Variants in SH2D4A observed in about 807,000 individuals in gnomAD.
SH2D4A encodes SH2 domain-containing protein 4A.
In SH2D4A, 70 loss-of-function variants were observed where a neutral mutation model predicts 64.7. The observed-to-expected ratio is 1.08, with a 90% CI of 0.89 to 1.32. The LOEUF is 1.32. Ranked by LOEUF, SH2D4A falls within the 40% of genes most tolerant of loss-of-function variation. The pLI, the probability that SH2D4A is intolerant of heterozygous loss-of-function variation, is 0.00. For missense variants in SH2D4A, 706 were observed against 540.1 expected, an observed-to-expected ratio of 1.31 and a Z score of -3.04; for synonymous variants, 268 against 200.7, an observed-to-expected ratio of 1.34 and a Z score of -2.83.
chr8:19,315,631 G>A (rs180724222), intron 1 of SH2D4A, among the ~76,000 whole-genome samples: 11 of 152,292 alleles, frequency 7.2e-5, no homozygotes, highest in Admixed American at 6.5e-4. Context: ...GCAGGTGTGG[G>A]CTTGTTGCTT....
At position 19,393,209 on chromosome 8, in the gene SH2D4A, G is replaced by T. The variant is rs761770826; in HGVS notation, c.1049-109G>T. 364 of 941,636 alleles carry T rather than the reference G, an allele frequency of 3.9e-4. No homozygotes were observed. Among genetic ancestry groups the T allele is most frequent in the Non-Finnish European group, 4.8e-4 (286 of 601,984 alleles). The allele number at this position is 941,636 out of a possible 1,614,324, so 58.3% of individuals were successfully genotyped here. ...AAACAGACTTAAAATTGCTCTTATT[G>T]TGTCTTATTTAGGCGTCATTGACTC... On this transcript the variant is annotated intron_variant, in intron 8 of 9. Coordinates refer to ENST00000265807, the MANE Select transcript of SH2D4A (RefSeq NM_022071.4).
chr8:19,353,680 T>C (rs1585173101), intron 4 of SH2D4A, among the ~76,000 whole-genome samples: 1 of 145,834 alleles, frequency 6.9e-6, no homozygotes, highest in African/African-American at 2.5e-5. Context: ...AGCTGTTTTT[T>C]TTTTTTTTTT....
Position 19,314,641 on chromosome 8 carries a change from T to C in SH2D4A, c.-205+818T>C, listed in dbSNP as rs114824524. Among the ~76,000 whole-genome samples the C allele has an allele frequency of 2.9e-3, 443 of 152,292 alleles. 4 individuals carry two copies. The highest frequency in any genetic ancestry group is 9.8e-3 in the African/African-American group (407 of 41,566). On this transcript the variant is annotated intron_variant, in intron 1 of 9. Transcript: ENST00000265807. ...GTGGCACCTCCCCCTTTCAAACAGA[T>C]GCTCCTCATCGCTCCAAAGGCTTTC...
intron 4 of SH2D4A, among the ~76,000 whole-genome samples, chr8:19,347,265 A>C (rs1465411224): frequency 6.6e-6 from 1 of 152,264 alleles, no homozygotes; most frequent in African/African-American, 2.4e-5. Flanking sequence ...ACGCACGTTC[A>C]GAGCAGATGC....
chr8:19,374,137 T>A (rs1381892592), intron 8 of SH2D4A, among the ~76,000 whole-genome samples: 1 of 152,216 alleles, frequency 6.6e-6, no homozygotes, highest in African/African-American at 2.4e-5. Context: ...GGAGTTGAAC[T>A]TTGTGGTCTT....
At chr8:19,364,376 G>A (rs2052952067) in intron 7 of SH2D4A, 94 bp downstream of exon 7, 1 of 1,394,278 alleles carries the variant, frequency 7.2e-7, no homozygotes, top group South Asian at 1.3e-5. Flanking sequence ...GCTGCCATGG[G>A]GTGTGGAGGG....
At chr8:19,347,592 G>A (rs757574789) in intron 4 of SH2D4A, among the ~76,000 whole-genome samples, 2 of 152,196 alleles carry the variant, frequency 1.3e-5, no homozygotes, top group Non-Finnish European at 2.9e-5. Flanking sequence ...AGTACTGACT[G>A]TCCTTGCCCC....
intron 8 of SH2D4A, 117 bp from the exon 9 acceptor site, chr8:19,393,201 C>A: frequency 1.2e-6 from 1 of 865,292 alleles, no homozygotes; most frequent in Non-Finnish European, 1.8e-6. Flanking sequence ...CTTAAAATTG[C>A]TCTTATTGTG....
intron 4 of SH2D4A, among the ~76,000 whole-genome samples, chr8:19,335,560 G>T (rs2052433272): frequency 6.6e-6 from 1 of 152,164 alleles, no homozygotes; most frequent in Admixed American, 6.5e-5. Flanking sequence ...CTTTGTCACA[G>T]CTATACACAA....
intron 7 of SH2D4A, among the ~76,000 whole-genome samples, chr8:19,369,628 TTGA>T (rs1377822647): frequency 1.3e-5 from 2 of 152,116 alleles, no homozygotes; most frequent in Admixed American, 1.3e-4. Flanking sequence ...CATACAGTTG[TTGA>T]TAATAGTCTC....
intron 3 of SH2D4A, among the ~76,000 whole-genome samples, chr8:19,334,401 C>T (rs948267996): frequency 5.3e-5 from 8 of 152,110 alleles, no homozygotes; most frequent in African/African-American, 1.9e-4. Context: ...GTTGAGCAGA[C>T]CAGGGTTCAG....
At chr8:19,351,374 C>G (rs370809553) in intron 4 of SH2D4A, among the ~76,000 whole-genome samples, 40 of 152,170 alleles carry the variant, frequency 2.6e-4, no homozygotes, top group African/African-American at 9.6e-4. Flanking sequence ...GAGGCCGAGG[C>G]GGGTGGATCA....
intron 4 of SH2D4A, among the ~76,000 whole-genome samples, chr8:19,352,770 G>T (rs144718510): frequency 2.3e-4 from 35 of 152,280 alleles, no homozygotes; most frequent in Non-Finnish European, 4.4e-4. Context: ...ACTTTGGGAG[G>T]CTGAGGTGGG....
In SH2D4A at chr8:19,319,740, C is replaced by T. The variant is rs374400314; in HGVS notation, c.181+12C>T. ...CAGACCAAAGAAAGGTAAACTTATC[C>T]ACGTTTCTTCTGTGGATGTGTTGGT... On this transcript the variant is annotated intron_variant, in intron 2 of 9. Transcript: ENST00000265807. 260 of 1,553,034 alleles carry T rather than the reference C, an allele frequency of 1.7e-4. No individual in the cohort carries two copies. The highest frequency in any genetic ancestry group is 2.0e-4 in the Non-Finnish European group (233 of 1,153,040).
chr8:19,333,133 A>G lies in SH2D4A; in HGVS notation c.341+19A>G. 6.3e-7 allele frequency: 1 copy of G among 1,599,526 alleles called. No individual in the cohort carries two copies. Among genetic ancestry groups the G allele is most frequent in the Non-Finnish European group, 8.5e-7 (1 of 1,175,794 alleles). On this transcript the variant is annotated intron_variant, in intron 3 of 9. Transcript: ENST00000265807. ...AGCCCAGGTATGAGATCTGCAAACC[A>G]ACCAGAGACTTAAAGACTCTCCAGA...
chr8:19,363,170 G>A (rs1174269740), intron 6 of SH2D4A, among the ~76,000 whole-genome samples: 1 of 152,050 alleles, frequency 6.6e-6, no homozygotes, highest in Non-Finnish European at 1.5e-5. Flanking sequence ...CCGCCTCCTG[G>A]TTTCAAGGGA....
chr8:19,332,709 A>C (rs941915973), intron 2 of SH2D4A, among the ~76,000 whole-genome samples: 3 of 147,648 alleles, frequency 2.0e-5, no homozygotes, highest in African/African-American at 7.7e-5. Flanking sequence ...AAAAAAAAAA[A>C]AAAAGCACGG....
chr8:19,392,734 T>TC (rs2053513365), intron 8 of SH2D4A, among the ~76,000 whole-genome samples: 1 of 145,782 alleles, frequency 6.9e-6, no homozygotes, highest in African/African-American at 2.6e-5. Flanking sequence ...AATATATTCC[T>TC]TTTTTTTTTG....
rs545117412 is a variant in SH2D4A, at chr8:19,350,825, T to C, written c.514-6378T>C. 1.8e-3 allele frequency among the ~76,000 whole-genome samples: 271 copies of C among 152,308 alleles called. 1 individual carries two copies. The highest frequency in any genetic ancestry group is 5.8e-3 in the African/African-American group (242 of 41,566). ...ATGTGCCATAAAATCTCACATCATA[T>C]TGGAGTCTGCTGTACTTTCAAGTCG... On this transcript the variant is annotated intron_variant, in intron 4 of 9. Coordinates refer to ENST00000265807, the MANE Select transcript of SH2D4A (RefSeq NM_022071.4).
Sources: allele counts gnomAD v4.1 joint callset (sites outside exome capture counted in the v4.1 genomes callset), GRCh38; gene constraint gnomAD v4.1.1; transcripts MANE v1.5; gene names NCBI Gene and HGNC (gene_info 2026-07-23, HGNC 2026-07-21).